The following HHAT variants were observed in gnomAD, a reference collection of about 807,000 sequenced individuals.
HHAT encodes hedgehog acyltransferase, also known as protein-cysteine N-palmitoyltransferase HHAT.
A neutral mutation model predicts 70.8 loss-of-function variants in HHAT; 47 were observed. That is an observed-to-expected ratio of 0.66 (90% CI 0.53 to 0.85). The LOEUF is 0.85. HHAT is among the 40% of genes least tolerant of loss of function. The probability of loss-of-function intolerance (pLI) is 0.00; values close to 1 mark genes in which losing one functional copy is unlikely to be tolerated. For synonymous variants in HHAT, 228 were observed against 247.6 expected, an observed-to-expected ratio of 0.92 and a Z score of 0.74; for missense variants, 609 against 604.8, an observed-to-expected ratio of 1.01 and a Z score of -0.07.
chr1:210,422,288 T>G (rs1458842328), intron 7 of HHAT, among the ~76,000 whole-genome samples: 3 of 152,200 alleles, frequency 2.0e-5, no homozygotes, highest in Admixed American at 1.3e-4. Flanking sequence ...CATTCAGTAT[T>G]TTCCTTCTAG....
chr1:210,495,783 A>G (rs2094628005), intron 8 of HHAT, among the ~76,000 whole-genome samples: 1 of 152,102 alleles, frequency 6.6e-6, no homozygotes, highest in Non-Finnish European at 1.5e-5. Context: ...CGAGGCGGGC[A>G]GATCGCCTGA....
intron 9 of HHAT, among the ~76,000 whole-genome samples, chr1:210,514,790 G>C (rs548319095): frequency 6.6e-6 from 1 of 152,288 alleles, no homozygotes; most frequent in African/African-American, 2.4e-5. Flanking sequence ...CCACTTACTT[G>C]GATATGTCTG....
chr1:210,448,671 GA>G (rs1247584993), intron 7 of HHAT, among the ~76,000 whole-genome samples: 2 of 152,062 alleles, frequency 1.3e-5, no homozygotes, highest in African/African-American at 4.8e-5. Context: ...TGATTTCCCT[GA>G]ATCTTACTTT....
intron 8 of HHAT, among the ~76,000 whole-genome samples, chr1:210,475,480 G>T (rs2094290560): frequency 6.6e-6 from 1 of 152,198 alleles, no homozygotes; most frequent in African/African-American, 2.4e-5. Context: ...AGGAAGTAAA[G>T]CCAGAGCCTC....
intron 3 of HHAT, among the ~76,000 whole-genome samples, chr1:210,370,174 T>C (rs1396494148): frequency 1.2e-5 from 1 of 85,052 alleles, no homozygotes; most frequent in South Asian, 4.5e-4. Flanking sequence ...TTTTTTTTTT[T>C]TTTTTTTTTT....
intron 8 of HHAT, among the ~76,000 whole-genome samples, chr1:210,491,610 C>A (rs1007050480): frequency 1.3e-5 from 2 of 152,176 alleles, no homozygotes; most frequent in Non-Finnish European, 2.9e-5. Context: ...CTAACACATA[C>A]TAAACACCTA....
intron 11 of HHAT, among the ~76,000 whole-genome samples, chr1:210,646,324 T>A (rs1282783244): frequency 6.6e-6 from 1 of 152,148 alleles, no homozygotes; most frequent in Non-Finnish European, 1.5e-5. Context: ...CAGAAAAAAA[T>A]ATTTACAAAC....
intron 2 of HHAT, among the ~76,000 whole-genome samples, chr1:210,357,039 G>C (rs992400826): frequency 6.6e-6 from 1 of 152,222 alleles, no homozygotes. Context: ...AACAACCAAG[G>C]CTCCAAACAT....
chr1:210,376,421 T>A (rs1424199340), intron 3 of HHAT, among the ~76,000 whole-genome samples: 1 of 152,206 alleles, frequency 6.6e-6, no homozygotes, highest in Non-Finnish European at 1.5e-5. Flanking sequence ...GGGATAGGGA[T>A]AAATGTGTGT....
intron 3 of HHAT, among the ~76,000 whole-genome samples, chr1:210,380,703 C>T (rs1015398874): frequency 2.0e-5 from 3 of 152,046 alleles, no homozygotes; most frequent in Non-Finnish European, 2.9e-5. Flanking sequence ...CTTGCCTGAG[C>T]TGAGACCTGA....
chr1:210,488,903 A>G (rs2094511703), intron 8 of HHAT, among the ~76,000 whole-genome samples: 1 of 152,216 alleles, frequency 6.6e-6, no homozygotes, highest in Non-Finnish European at 1.5e-5. Flanking sequence ...AAAAAGAAAA[A>G]TAAGGTAAAA....
intron 10 of HHAT, chr1:210,589,974 A>G (rs1330285110): frequency 6.6e-6 from 1 of 152,232 alleles, no homozygotes; most frequent in East Asian, 1.9e-4. Context: ...ATTGAGCAAG[A>G]ATATATGAAA....
chr1:210,396,577 G>C (rs1472175700), intron 4 of HHAT, among the ~76,000 whole-genome samples: 3 of 152,214 alleles, frequency 2.0e-5, no homozygotes, highest in African/African-American at 7.2e-5. Context: ...ACCCCAGCAA[G>C]TGTGATCTTG....
At chr1:210,364,325 G>A (rs2088673024) in intron 3 of HHAT, among the ~76,000 whole-genome samples, 1 of 152,202 alleles carries the variant, frequency 6.6e-6, no homozygotes, top group South Asian at 2.1e-4. Flanking sequence ...TCACAAAGTG[G>A]AATTTGAGAT....
intron 10 of HHAT, among the ~76,000 whole-genome samples, chr1:210,614,621 C>G (rs1667294117): frequency 6.6e-6 from 1 of 152,026 alleles, no homozygotes; most frequent in Non-Finnish European, 1.5e-5. Context: ...TCCAAGTGTT[C>G]TCATTGTTCA....
chr1:210,562,558 C>T (rs1372025347), intron 9 of HHAT, among the ~76,000 whole-genome samples: 1 of 152,178 alleles, frequency 6.6e-6, no homozygotes, highest in East Asian at 1.9e-4. Context: ...CATCCAACAT[C>T]TACTGAGCGC....
At chr1:210,336,357 G>C (rs1424383313) in intron 1 of HHAT, among the ~76,000 whole-genome samples, 1 of 141,218 alleles carries the variant, frequency 7.1e-6, no homozygotes, top group Non-Finnish European at 1.5e-5. Flanking sequence ...TGAACCCCTA[G>C]GCTCAAGTAG....
intron 1 of HHAT, chr1:210,329,448 C>CGCCT (rs1403347163): frequency 4.7e-6 from 5 of 1,063,032 alleles, no homozygotes; most frequent in Non-Finnish European, 5.7e-6. Flanking sequence ...ATCGGCGGTG[C>CGCCT]GCCTGCCTGC....
intron 10 of HHAT, among the ~76,000 whole-genome samples, chr1:210,597,085 T>C (rs563634552): frequency 1.3e-5 from 2 of 152,350 alleles, no homozygotes; most frequent in South Asian, 4.1e-4. Context: ...TGCAGACTCA[T>C]AGAAGTACTA....
Sources: allele counts gnomAD v4.1 joint callset (sites outside exome capture counted in the v4.1 genomes callset), GRCh38; gene constraint gnomAD v4.1.1; transcripts MANE v1.5; gene names NCBI Gene and HGNC (gene_info 2026-07-23, HGNC 2026-07-21).